The following RPS6KC1 variants were observed in gnomAD, a reference collection of about 807,000 sequenced individuals.
RPS6KC1 encodes inactive ribosomal protein S6 kinase delta-1.
A neutral mutation model predicts 103.8 loss-of-function variants in RPS6KC1; 54 were observed. That is an observed-to-expected ratio of 0.52 (90% confidence interval 0.42 to 0.65). The LOEUF is 0.65. Among genes scored for constraint, RPS6KC1 ranks in the 30% least tolerant of loss-of-function variants. The probability of loss-of-function intolerance (pLI) is 0.00; values close to 1 mark genes in which losing one functional copy is unlikely to be tolerated. For missense variants in RPS6KC1, 1,151 were observed against 1,253.8 expected (o/e 0.92, Z 1.24); for synonymous variants, 439 against 438.7 (o/e 1.00, Z -0.01).
At chr1:213,499,382 C>T in the RPS6KC1 span, among the ~76,000 whole-genome samples, 30 of 152,192 alleles carry the variant, frequency 2.0e-4, no homozygotes, top group East Asian at 4.1e-3. Flanking sequence ...CACCAGGGAC[C>T]GTTTTCATGG....
rs191225127 is a variant in RPS6KC1 at position 213,166,290 on chromosome 1, A to G, written c.836-1568A>G. Among the ~76,000 whole-genome samples, 8 of 152,350 alleles carry G rather than the reference A, an allele frequency of 5.3e-5. No individual in the cohort carries two copies. In the East Asian group the frequency reaches 1.3e-3, roughly 26 times the overall value. ...GGAAGGCATTATATAATCTGAAATG[A>G]GAAGAGCTAATGACAATGGAAATAG... is the stretch of plus-strand genomic sequence containing the variant. On this transcript the variant is annotated intron_variant, in intron 6 of 14. Transcript: ENST00000366960.
At chr1:213,418,034 C>T in the RPS6KC1 span, among the ~76,000 whole-genome samples, 1 of 152,116 alleles carries the variant, frequency 6.6e-6, no homozygotes, top group South Asian at 2.1e-4. Flanking sequence ...GCTCCCCATT[C>T]CCCCCAGCTT....
the RPS6KC1 span, among the ~76,000 whole-genome samples, chr1:213,311,853 T>C: frequency 4.0e-5 from 6 of 151,714 alleles, no homozygotes; most frequent in Admixed American, 3.3e-4. Context: ...TAAGAGCAGT[T>C]CTTAGTGCTG....
intron 6 of RPS6KC1, among the ~76,000 whole-genome samples, chr1:213,141,943 A>G (rs950257941): frequency 1.9e-4 from 29 of 151,902 alleles, no homozygotes; most frequent in African/African-American, 5.5e-4. Context: ...TTCTGCCTCA[A>G]TTATCTGTCT....
the RPS6KC1 span, among the ~76,000 whole-genome samples, chr1:213,666,850 C>G: frequency 6.6e-6 from 1 of 152,264 alleles, no homozygotes; most frequent in Non-Finnish European, 1.5e-5. Context: ...CCTGGCCTAC[C>G]AAGCTCTCCA....
chr1:213,503,654 G>A, the RPS6KC1 span, among the ~76,000 whole-genome samples: 1 of 152,144 alleles, frequency 6.6e-6, no homozygotes, highest in Non-Finnish European at 1.5e-5. Context: ...TATATCTAGA[G>A]ATTGGGGCAT....
chr1:213,772,328 G>A, the RPS6KC1 span, among the ~76,000 whole-genome samples: 11 of 152,282 alleles, frequency 7.2e-5, 1 homozygote, highest in African/African-American at 1.9e-4. Context: ...CAGGTGACCG[G>A]CCGCCTTTCT....
At chr1:213,416,024 G>A in the RPS6KC1 span, among the ~76,000 whole-genome samples, 1 of 152,228 alleles carries the variant, frequency 6.6e-6, no homozygotes, top group African/African-American at 2.4e-5. Context: ...TGTACCAAGA[G>A]CTGATTCCTC....
the RPS6KC1 span, among the ~76,000 whole-genome samples, chr1:213,777,744 T>C: frequency 6.6e-6 from 1 of 152,230 alleles, no homozygotes; most frequent in Non-Finnish European, 1.5e-5. Flanking sequence ...TTGTGTCATG[T>C]ATTTATCTTT....
At chr1:213,374,751 A>C in the RPS6KC1 span, among the ~76,000 whole-genome samples, 10 of 152,344 alleles carry the variant, frequency 6.6e-5, no homozygotes, top group African/African-American at 2.2e-4. Context: ...TAGAGATCCC[A>C]GAATGGCTGG....
the RPS6KC1 span, among the ~76,000 whole-genome samples, chr1:213,294,443 C>T: frequency 6.6e-6 from 1 of 152,194 alleles, no homozygotes; most frequent in African/African-American, 2.4e-5. Flanking sequence ...GTTGCAGACT[C>T]AGGCTCATTG....
intron 1 of RPS6KC1, among the ~76,000 whole-genome samples, chr1:213,067,461 AT>A (rs1370114776): frequency 6.6e-6 from 1 of 152,176 alleles, no homozygotes; most frequent in Non-Finnish European, 1.5e-5. Flanking sequence ...CACTTTTATT[AT>A]CATGAAGACA....
At chr1:213,454,128 A>G in the RPS6KC1 span, among the ~76,000 whole-genome samples, 2 of 145,162 alleles carry the variant, frequency 1.4e-5, no homozygotes, top group Admixed American at 6.8e-5. Flanking sequence ...TTATTAATAT[A>G]TGCAGATTTT....
At chr1:213,320,937 G>A in the RPS6KC1 span, among the ~76,000 whole-genome samples, 6 of 152,130 alleles carry the variant, frequency 3.9e-5, no homozygotes, top group Admixed American at 3.9e-4. Flanking sequence ...TACAGTCTTT[G>A]CTGCCCAGTC....
chr1:213,695,628 C>A, the RPS6KC1 span, among the ~76,000 whole-genome samples: 2 of 152,242 alleles, frequency 1.3e-5, no homozygotes, highest in African/African-American at 4.8e-5. Flanking sequence ...GTGTGATCAG[C>A]ATTCTATTCC....
chr1:213,202,305 A>G (rs1456362063), intron 8 of RPS6KC1, among the ~76,000 whole-genome samples: 1 of 152,082 alleles, frequency 6.6e-6, no homozygotes, highest in Non-Finnish European at 1.5e-5. Flanking sequence ...CAATATGAAT[A>G]ATAGCATTTA....
chr1:213,391,813 A>G, the RPS6KC1 span, among the ~76,000 whole-genome samples: 1 of 152,346 alleles, frequency 6.6e-6, no homozygotes, highest in African/African-American at 2.4e-5. Context: ...TATTCTATAT[A>G]TCTTTTATCT....
At chr1:213,158,604 T>C (rs931317510) in intron 6 of RPS6KC1, among the ~76,000 whole-genome samples, 4 of 152,250 alleles carry the variant, frequency 2.6e-5, no homozygotes, top group Admixed American at 6.5e-5. Context: ...TAGCCCAGTT[T>C]AGAATGATTT....
At chr1:213,076,872 CTTT>C (rs397944007) in intron 2 of RPS6KC1, among the ~76,000 whole-genome samples, 5 of 143,812 alleles carry the variant, frequency 3.5e-5, no homozygotes, top group African/African-American at 5.1e-5. Context: ...TCAGTTTATC[CTTT>C]TTTTTTTTTT....
Sources: allele counts gnomAD v4.1 joint callset (sites outside exome capture counted in the v4.1 genomes callset), GRCh38; gene constraint gnomAD v4.1.1; transcripts MANE v1.5; gene names NCBI Gene and HGNC (gene_info 2026-07-23, HGNC 2026-07-21).